PRKN: variants seen among roughly 807,000 people sequenced by gnomAD.
The protein encoded by PRKN is E3 ubiquitin-protein ligase parkin.
In PRKN, 56 loss-of-function variants were observed where a neutral mutation model predicts 59.5. The observed-to-expected ratio is 0.94, with a 90% CI of 0.76 to 1.18. The LOEUF is 1.18. Among genes scored for constraint, PRKN ranks in the 50% most tolerant of loss-of-function variants. The probability of loss-of-function intolerance (pLI) is 0.00; values close to 1 mark genes in which losing one functional copy is unlikely to be tolerated. For missense variants in PRKN, 657 were observed against 596.4 expected, an observed-to-expected ratio of 1.10 and a Z score of -1.06; for synonymous variants, 250 against 222.1, an observed-to-expected ratio of 1.13 and a Z score of -1.12.
chr6:162,714,191 C>T (rs576793403), intron 1 of PRKN, among the ~76,000 whole-genome samples: 39 of 152,156 alleles, frequency 2.6e-4, no homozygotes, highest in Admixed American at 1.8e-3. Context: ...GCTTGCTTAC[C>T]GTAAACAGAC....
chr6:162,016,033 T>A (rs1782920923), intron 5 of PRKN, among the ~76,000 whole-genome samples: 1 of 152,156 alleles, frequency 6.6e-6, no homozygotes, highest in Admixed American at 6.5e-5. Context: ...ACTGCCAAGA[T>A]GAAGGTCTCC....
intron 1 of PRKN, among the ~76,000 whole-genome samples, chr6:162,673,915 T>A (rs902804236): frequency 2.0e-5 from 3 of 152,146 alleles, no homozygotes; most frequent in African/African-American, 7.2e-5. Flanking sequence ...AAAGCCTGAT[T>A]TCACCAGTTG....
At chr6:162,136,879 G>A (rs183487078) in intron 4 of PRKN, among the ~76,000 whole-genome samples, 1 of 152,038 alleles carries the variant, frequency 6.6e-6, no homozygotes, top group Non-Finnish European at 1.5e-5. Context: ...TAACAACACA[G>A]ATAACTCCAA....
At chr6:162,206,185 C>T (rs1784931043) in intron 3 of PRKN, among the ~76,000 whole-genome samples, 1 of 152,186 alleles carries the variant, frequency 6.6e-6, no homozygotes, top group South Asian at 2.1e-4. Flanking sequence ...ACCTGGACAG[C>T]AATGGCTCCA....
At chr6:162,565,741 T>C (rs565414871) in intron 1 of PRKN, among the ~76,000 whole-genome samples, 1 of 137,230 alleles carries the variant, frequency 7.3e-6, no homozygotes, top group East Asian at 2.4e-4. Flanking sequence ...TACATACATA[T>C]AATGAATGTA....
At chr6:162,070,370 G>C in intron 4 of PRKN, among the ~76,000 whole-genome samples, 1 of 152,150 alleles carries the variant, frequency 6.6e-6, no homozygotes, top group Non-Finnish European at 1.5e-5. Context: ...TCATATTTTA[G>C]TAAAAGTGTG....
At chr6:161,820,210 T>G (rs1791963752) in intron 6 of PRKN, among the ~76,000 whole-genome samples, 1 of 151,948 alleles carries the variant, frequency 6.6e-6, no homozygotes. Flanking sequence ...TGAATAAAAA[T>G]TCAATGGTAG....
chr6:161,891,192 G>A (rs983381629), intron 6 of PRKN, among the ~76,000 whole-genome samples: 5 of 152,110 alleles, frequency 3.3e-5, no homozygotes, highest in South Asian at 2.1e-4. Context: ...TTCCGGAGGC[G>A]GACCCCAGGG....
intron 7 of PRKN, among the ~76,000 whole-genome samples, chr6:161,746,000 C>T (rs766745219): frequency 3.3e-5 from 5 of 152,174 alleles, no homozygotes; most frequent in Non-Finnish European, 5.9e-5. Flanking sequence ...GAGGCCTCAT[C>T]GTGGCATTTT....
chr6:162,570,092 C>T (rs1013070048), intron 1 of PRKN, among the ~76,000 whole-genome samples: 3 of 151,988 alleles, frequency 2.0e-5, no homozygotes, highest in East Asian at 3.9e-4. Context: ...GGAGCTCAAA[C>T]AATGCTATAG....
intron 1 of PRKN, among the ~76,000 whole-genome samples, chr6:162,602,499 G>A (rs1781751663): frequency 6.6e-6 from 1 of 152,208 alleles, no homozygotes; most frequent in Non-Finnish European, 1.5e-5. Flanking sequence ...AGCCACTGAG[G>A]AGTTGGGGCA....
chr6:161,362,559 G>C lies in PRKN; in HGVS notation c.1168-2354C>G, dbSNP rs976501331. ...AATTGACAGATATGTGCTGGTCTCA[G>C]GCTGGGTTCTGTGAGGCAGCAGGTT... On this transcript the variant is annotated intron_variant, in intron 10 of 11. Coordinates refer to ENST00000366898, the MANE Select transcript of PRKN (RefSeq NM_004562.3). The surrounding 1 kb of genome is among the most constrained non-coding windows in gnomAD (Gnocchi z 5.2). Among the ~76,000 whole-genome samples the C allele has an allele frequency of 1.3e-5, 2 of 152,210 alleles. No homozygotes were observed. Among genetic ancestry groups the C allele is most frequent in the African/African-American group, 4.8e-5 (2 of 41,458 alleles).
intron 2 of PRKN, among the ~76,000 whole-genome samples, chr6:162,263,082 T>C (rs996645867): frequency 6.6e-6 from 1 of 152,022 alleles, no homozygotes; most frequent in African/African-American, 2.4e-5. Context: ...AAAACAATAA[T>C]TCCTTTTTTC....
At chr6:161,724,522 T>G (rs1012028279) in intron 7 of PRKN, among the ~76,000 whole-genome samples, 3 of 152,206 alleles carry the variant, frequency 2.0e-5, no homozygotes, top group African/African-American at 7.2e-5. Context: ...ACATTTGCAA[T>G]TTCTGCTCAA....
chr6:162,316,256 G>C (rs1036726393), intron 2 of PRKN, among the ~76,000 whole-genome samples: 9 of 151,894 alleles, frequency 5.9e-5, no homozygotes, highest in African/African-American at 2.2e-4. Flanking sequence ...AGTTTTTTAA[G>C]TTACATTCCA....
intron 6 of PRKN, among the ~76,000 whole-genome samples, chr6:161,803,868 G>A (rs939941053): frequency 9.9e-5 from 15 of 152,160 alleles, no homozygotes; most frequent in Admixed American, 4.6e-4. Context: ...CCTCAAGTCC[G>A]AACCCCCACC....
At chr6:162,087,589 CTTTTTTTTTTT>C (rs35184111) in intron 4 of PRKN, among the ~76,000 whole-genome samples, 1 of 102,700 alleles carries the variant, frequency 9.7e-6, no homozygotes, top group East Asian at 3.2e-4. Context: ...AGAATAATTT[CTTTTTTTTTTT>C]TTTTTTTTTT....
chr6:161,439,398 A>AT (rs1789083573), intron 9 of PRKN, among the ~76,000 whole-genome samples: 1 of 152,204 alleles, frequency 6.6e-6, no homozygotes, highest in Non-Finnish European at 1.5e-5. Context: ...AAATGAAAAA[A>AT]CAAGTGTCAG....
Position 161,434,555 on chromosome 6 carries a change from G to A in PRKN, c.1084-47678C>T, listed in dbSNP as rs954359667. 5.3e-5 allele frequency among the ~76,000 whole-genome samples: 8 copies of A among 152,284 alleles called. No homozygotes were observed. The South Asian group carries it at 1.7e-3, about 32-fold the overall frequency. ...TGTGCGCTGACTTGTGTAGACACAA[G>A]ACTATAATGCAGACCGTTTGAGAAT... On this transcript the variant is annotated intron_variant, in intron 9 of 11. Coordinates refer to ENST00000366898, the MANE Select transcript of PRKN (RefSeq NM_004562.3).
Sources: allele counts gnomAD v4.1 joint callset (sites outside exome capture counted in the v4.1 genomes callset), GRCh38; gene constraint gnomAD v4.1.1; non-coding constraint Gnocchi (gnomAD v3.1); transcripts MANE v1.5; gene names NCBI Gene and HGNC (gene_info 2026-07-23, HGNC 2026-07-21).